Variants in UBL3 observed in about 807,000 individuals in gnomAD.
The protein encoded by UBL3 is ubiquitin-like protein 3.
Under a neutral mutation model 18.4 loss-of-function variants are expected in UBL3, and 6 were observed. The ratio of observed to expected loss-of-function variants is 0.33; its 90% CI spans 0.18 to 0.64. UBL3 has a LOEUF of 0.64. Among genes scored for constraint, UBL3 ranks in the 30% least tolerant of loss-of-function variants. UBL3 has a pLI of 0.76. For missense variants in UBL3, 109 were observed against 142.9 expected, an observed-to-expected ratio of 0.76 and a Z score of 1.21; for synonymous variants, 49 against 46.6, an observed-to-expected ratio of 1.05 and a Z score of -0.21.
intron 1 of UBL3, among the ~76,000 whole-genome samples, chr13:29,824,698 C>T (rs1593670133): frequency 1.3e-5 from 2 of 152,124 alleles, no homozygotes; most frequent in Non-Finnish European, 2.9e-5. Context: ...TGTGCAGAAG[C>T]TCTTTAGTTT....
chr13:29,798,014 G>A (rs989705152), intron 1 of UBL3, among the ~76,000 whole-genome samples: 5 of 149,790 alleles, frequency 3.3e-5, no homozygotes, highest in African/African-American at 1.2e-4. Flanking sequence ...TTTTTTTGAT[G>A]GCATATTAAA....
At chr13:29,822,938 C>T (rs1401833362) in intron 1 of UBL3, among the ~76,000 whole-genome samples, 1 of 152,052 alleles carries the variant, frequency 6.6e-6, no homozygotes, top group African/African-American at 2.4e-5. Flanking sequence ...CACAAACACA[C>T]ACATCACATC....
At chr13:29,839,274 CAT>C (rs1378299591) in intron 1 of UBL3, among the ~76,000 whole-genome samples, 1 of 152,156 alleles carries the variant, frequency 6.6e-6, no homozygotes, top group African/African-American at 2.4e-5. Context: ...CAAGTGAAAT[CAT>C]AGAATGATTC....
chr13:29,774,767 T>A (rs999000568), intron 2 of UBL3, among the ~76,000 whole-genome samples: 1 of 152,152 alleles, frequency 6.6e-6, no homozygotes, highest in African/African-American at 2.4e-5. Context: ...TTGTATTTTT[T>A]TTTTTAATGA....
chr13:29,844,123 C>T (rs888271885), intron 1 of UBL3, among the ~76,000 whole-genome samples: 5 of 152,170 alleles, frequency 3.3e-5, no homozygotes, highest in Non-Finnish European at 1.5e-5. Context: ...ACTCATGGTG[C>T]TGTTGCTGGC....
intron 1 of UBL3, among the ~76,000 whole-genome samples, chr13:29,810,468 T>C (rs897637139): frequency 6.6e-6 from 1 of 151,974 alleles, no homozygotes; most frequent in African/African-American, 2.4e-5. Context: ...GAAAATCATG[T>C]ATATGGGGTC....
chr13:29,772,019 T>A, intron 3 of UBL3, 93 bp downstream of exon 3: 2 of 1,097,014 alleles, frequency 1.8e-6, no homozygotes, highest in South Asian at 1.5e-5. Context: ...TTTATCATTT[T>A]TTTTAGCAAA....
intron 1 of UBL3, among the ~76,000 whole-genome samples, chr13:29,844,303 T>A (rs986379803): frequency 6.6e-6 from 1 of 152,180 alleles, no homozygotes; most frequent in African/African-American, 2.4e-5. Context: ...AGTTCTCATA[T>A]TTACTTCTCA....
rs1156741342 is a variant in UBL3, at chr13:29,835,129, T to TAAATATATATATATATATAAAA, written c.27+14382_27+14383insTTTTATATATATATATATATTT. 2.1e-3 allele frequency among the ~76,000 whole-genome samples: 8 copies of TAAATATATATATATATATAAAA among 3,880 alleles called. 1 individual carries two copies. In the South Asian group the frequency reaches 0.031, roughly 15 times the overall value. 2.5% of individuals were successfully genotyped at this position (3,880 alleles called of 152,430 possible). On this transcript the variant is annotated intron_variant, in intron 1 of 4. Transcript: ENST00000380680. Reference sequence around the variant, plus strand: ...ATAAATATATATATATATATAAATATATATATATATATATATATATATATA... The same window carrying TAAATATATATATATATATAAAA: ...ATAAATATATATATATATATAAATATAAATATATATATATATATAAAAATATATATATATATATATATATATA...
intron 1 of UBL3, among the ~76,000 whole-genome samples, chr13:29,842,718 C>T (rs769617979): frequency 1.3e-5 from 2 of 151,902 alleles, no homozygotes; most frequent in East Asian, 1.9e-4. Context: ...CTCTCCTCTA[C>T]GAGCTCAAAG....
intron 1 of UBL3, among the ~76,000 whole-genome samples, chr13:29,811,576 T>C (rs1258189521): frequency 6.6e-6 from 1 of 152,086 alleles, no homozygotes; most frequent in Non-Finnish European, 1.5e-5. Flanking sequence ...GTCCCTGCCA[T>C]GCCCTCCATG....
intron 2 of UBL3, among the ~76,000 whole-genome samples, chr13:29,772,746 C>T (rs1158390832): frequency 6.6e-6 from 1 of 151,980 alleles, no homozygotes; most frequent in Non-Finnish European, 1.5e-5. Flanking sequence ...AGAGAAGATA[C>T]AACTTTAGTT....
chr13:29,766,646 A>C lies in UBL3; in HGVS notation c.*609T>G, dbSNP rs1876692646. The C allele has an allele frequency of 6.6e-6, 1 of 152,510 alleles. No individual in the cohort carries two copies. The highest frequency in any genetic ancestry group is 1.5e-5 in the Non-Finnish European group (1 of 68,006). 9.4% of individuals were successfully genotyped at this position (152,510 alleles called of 1,614,324 possible). A position where few individuals can be genotyped will look rare whatever the true frequency, so the allele number is the denominator to read the frequency against. On this transcript the variant is annotated 3_prime_UTR_variant, in exon 5 of 5. Transcript: ENST00000380680. Reference sequence around the variant, plus strand: ...TTAAACAGGCACATTTTGTTTTTTCATTTGTTGCAGTGAAAATAGTCACAC... The same window carrying C: ...TTAAACAGGCACATTTTGTTTTTTCCTTTGTTGCAGTGAAAATAGTCACAC...
At chr13:29,795,837 T>C (rs1440342868) in intron 1 of UBL3, among the ~76,000 whole-genome samples, 1 of 149,156 alleles carries the variant, frequency 6.7e-6, no homozygotes. Flanking sequence ...AAGGCTGAGG[T>C]AAGAGGATCA....
intron 1 of UBL3, among the ~76,000 whole-genome samples, chr13:29,835,399 T>C (rs113447143): frequency 1.1e-4 from 16 of 151,290 alleles, no homozygotes; most frequent in African/African-American, 3.9e-4. Context: ...ATGAGCATCC[T>C]AAGCAAAGAC....
chr13:29,837,629 C>T (rs1280737941), intron 1 of UBL3, among the ~76,000 whole-genome samples: 1 of 152,004 alleles, frequency 6.6e-6, no homozygotes, highest in Non-Finnish European at 1.5e-5. Context: ...TGTAATCATG[C>T]CTGTAATCAT....
At chr13:29,790,213 A>G (rs1013363251) in intron 1 of UBL3, among the ~76,000 whole-genome samples, 2 of 152,226 alleles carry the variant, frequency 1.3e-5, no homozygotes, top group African/African-American at 4.8e-5. Flanking sequence ...TAGGAATATA[A>G]TAATATACAT....
At chr13:29,791,106 A>C (rs1205693386) in intron 1 of UBL3, among the ~76,000 whole-genome samples, 1 of 152,054 alleles carries the variant, frequency 6.6e-6, no homozygotes. Context: ...ATCTTTCCTG[A>C]CTTATTTATT....
intron 3 of UBL3, among the ~76,000 whole-genome samples, chr13:29,770,371 C>T (rs542818197): frequency 2.6e-5 from 4 of 152,014 alleles, no homozygotes; most frequent in African/African-American, 7.2e-5. Context: ...GACAGCAACA[C>T]AGAATTACAA....
Sources: gnomAD v4.1 joint callset for allele counts (sites outside exome capture counted in the v4.1 genomes callset) on GRCh38, gnomAD v4.1.1 for gene constraint, MANE v1.5 for transcripts, NCBI Gene and HGNC (gene_info 2026-07-23, HGNC 2026-07-21) for gene names.